The following DNAJC5 variants were observed in gnomAD, a reference collection of about 807,000 sequenced individuals.
DNAJC5 encodes the protein dnaJ homolog subfamily C member 5.
DNAJC5 carries 1 observed loss-of-function variant against 23.2 expected under a neutral mutation model. That is an observed-to-expected ratio of 0.04 (90% CI 0.02 to 0.20). The LOEUF is 0.20. Ranked by LOEUF, DNAJC5 falls within the 10% of genes least tolerant of loss-of-function variation. The probability of loss-of-function intolerance (pLI) is 1.00; values close to 1 mark genes in which losing one functional copy is unlikely to be tolerated. For synonymous variants in DNAJC5, 136 were observed against 120.0 expected (o/e 1.13, Z -0.87); for missense variants, 180 against 267.0 (o/e 0.67, Z 2.27).
At position 63,920,383 on chromosome 20, in the gene DNAJC5, G is replaced by T. The variant is rs1352397660; in HGVS notation, c.-11-7952G>T. 6.6e-6 allele frequency among the ~76,000 whole-genome samples: 1 copy of T among 152,330 alleles called. No homozygotes were observed. The highest frequency in any genetic ancestry group is 2.1e-4 in the South Asian group (1 of 4,828). On this transcript the variant is annotated intron_variant, in intron 1 of 4. Transcript: ENST00000360864. This position sits in a 1 kb window ranked among gnomAD's most constrained non-coding sequence, Gnocchi z 4.6. ...GTGTGGTGGGTGTGGTGGGGGAAGG[G>T]GCTGGCGTCAGCAGGGCTCTCGTCC... is the stretch of plus-strand genomic sequence containing the variant.
At chr20:63,906,550 C>T (rs1038328304) in intron 1 of DNAJC5, among the ~76,000 whole-genome samples, 15 of 151,614 alleles carry the variant, frequency 9.9e-5, no homozygotes, top group African/African-American at 2.2e-4. Context: ...TTTGGGAGGC[C>T]GAGACGGGCA....
At chr20:63,903,444 A>G (rs1172546478) in intron 1 of DNAJC5, among the ~76,000 whole-genome samples, 2 of 152,056 alleles carry the variant, frequency 1.3e-5, no homozygotes, top group East Asian at 3.9e-4. Flanking sequence ...AGCAGCTGGG[A>G]CTACAGGCAT....
At chr20:63,905,048 G>T (rs1345957261) in intron 1 of DNAJC5, among the ~76,000 whole-genome samples, 1 of 149,012 alleles carries the variant, frequency 6.7e-6, no homozygotes, top group Non-Finnish European at 1.5e-5. Flanking sequence ...CAGGTGATCC[G>T]CCTGCCTCGG....
intron 1 of DNAJC5, among the ~76,000 whole-genome samples, chr20:63,927,451 C>T (rs1267050047): frequency 6.6e-6 from 1 of 152,142 alleles, no homozygotes; most frequent in Non-Finnish European, 1.5e-5. Flanking sequence ...GAGGCAGGAG[C>T]ATTGCTTGAA....
intron 1 of DNAJC5, among the ~76,000 whole-genome samples, chr20:63,900,373 TGAA>T (rs2053403903): frequency 6.6e-6 from 1 of 151,628 alleles, no homozygotes; most frequent in Non-Finnish European, 1.5e-5. Context: ...AGTCCAGAAG[TGAA>T]GACCAGGCTG....
At chr20:63,896,484 G>C (rs958848374) in intron 1 of DNAJC5, among the ~76,000 whole-genome samples, 2 of 152,202 alleles carry the variant, frequency 1.3e-5, no homozygotes, top group Non-Finnish European at 2.9e-5. Flanking sequence ...CCCCTGGCGA[G>C]GGTGTTAATG....
chr20:63,913,816 G>T (rs1214715153), intron 1 of DNAJC5, among the ~76,000 whole-genome samples: 1 of 152,100 alleles, frequency 6.6e-6, no homozygotes, highest in Non-Finnish European at 1.5e-5. Flanking sequence ...TGACCTCAGG[G>T]GATCCGCCCA....
intron 1 of DNAJC5, among the ~76,000 whole-genome samples, chr20:63,919,089 C>G (rs779002015): frequency 6.6e-5 from 10 of 152,190 alleles, no homozygotes; most frequent in Non-Finnish European, 1.5e-4. Flanking sequence ...GAGATTGCAC[C>G]TGGAAGTACA....
At chr20:63,903,595 C>G (rs1440870768) in intron 1 of DNAJC5, among the ~76,000 whole-genome samples, 1 of 152,176 alleles carries the variant, frequency 6.6e-6, no homozygotes, top group Non-Finnish European at 1.5e-5. Flanking sequence ...GTGTGAGCCA[C>G]TGCGCTCGGC....
At chr20:63,905,336 G>T (rs2053441074) in intron 1 of DNAJC5, among the ~76,000 whole-genome samples, 1 of 152,058 alleles carries the variant, frequency 6.6e-6, no homozygotes, top group Non-Finnish European at 1.5e-5. Context: ...GGCCGATCTC[G>T]ACCTCCTGAC....
rs1394942798 is a variant in DNAJC5, at chr20:63,932,943, G to A, written c.*1375G>A. 2 of 152,420 alleles carry A rather than the reference G, an allele frequency of 1.3e-5. No individual in the cohort carries two copies. The highest frequency in any genetic ancestry group is 4.8e-5 in the African/African-American group (2 of 41,434). The allele number at this position is 152,420 out of a possible 1,614,324, so 9.4% of individuals were successfully genotyped here. A position where few individuals can be genotyped will look rare whatever the true frequency, so the allele number is the denominator to read the frequency against. ...GACCTTGTGGGTGGCGCCCTGCATA[G>A]GGGAGCAGGGGGAACGGGTCTGATG... On this transcript the variant is annotated 3_prime_UTR_variant, in exon 5 of 5. Transcript: ENST00000360864. The surrounding 1 kb of genome is among the most constrained non-coding windows in gnomAD (Gnocchi z 4.4).
intron 1 of DNAJC5, among the ~76,000 whole-genome samples, chr20:63,915,222 G>A (rs896994682): frequency 1.3e-5 from 2 of 152,098 alleles, no homozygotes; most frequent in Non-Finnish European, 1.5e-5. Context: ...AGATAGAATA[G>A]GACCTTAGGG....
rs777119527 is a variant in DNAJC5 at position 63,931,477 on chromosome 20, C to T, written c.506C>T (p.Thr169Met). The part of the protein sequence containing the change: ...LQSDEREATD[T>M]PIVIQPASAT... ...GCTTGCTTTTCAGAGGCCACAGACACGCCGATCGTCATACAGCCGGCATCC... is the reference window on the plus strand; with the variant it reads ...GCTTGCTTTTCAGAGGCCACAGACATGCCGATCGTCATACAGCCGGCATCC... Residue 169 changes from threonine (T) to methionine (M), a missense_variant, in exon 5 of 5, where the codon ACG becomes ATG. By Grantham distance (81) the Thr-to-Met change is moderately conservative. This residue lies in a region of DNAJC5 where 97 missense variants were observed against 123.4 expected (regional missense o/e 0.79). Coordinates refer to ENST00000360864, the MANE Select transcript of DNAJC5 (RefSeq NM_025219.3). This position sits in a 1 kb window ranked among gnomAD's most constrained non-coding sequence, Gnocchi z 9.6. The T allele has an allele frequency of 9.6e-6, 15 of 1,564,222 alleles. No homozygotes were observed. In the South Asian group the frequency reaches 1.3e-4, roughly 13 times the overall value.
chr20:63,923,302 CA>C (rs1016392583), intron 1 of DNAJC5, among the ~76,000 whole-genome samples: 1 of 151,712 alleles, frequency 6.6e-6, no homozygotes, highest in Admixed American at 6.6e-5. Flanking sequence ...GTTAGCTGGG[CA>C]TGGTGGCACA....
chr20:63,902,976 C>G (rs1463995001), intron 1 of DNAJC5, among the ~76,000 whole-genome samples: 1 of 152,110 alleles, frequency 6.6e-6, no homozygotes, highest in African/African-American at 2.4e-5. Flanking sequence ...CGCGCCCTGC[C>G]ACATCCTGTT....
At chr20:63,901,341 C>T (rs566461528) in intron 1 of DNAJC5, among the ~76,000 whole-genome samples, 76 of 152,352 alleles carry the variant, frequency 5.0e-4, no homozygotes, top group Middle Eastern at 6.8e-3. Flanking sequence ...CTTCCCAGCC[C>T]CATCGGCTGT....
At position 63,930,956 on chromosome 20, in the gene DNAJC5, G is replaced by A. The variant is rs2053664749; in HGVS notation, c.427G>A (p.Gly143Ser). 1 of 1,614,072 alleles carries A rather than the reference G, an allele frequency of 6.2e-7. No homozygotes were observed. Among genetic ancestry groups the A allele is most frequent in the Non-Finnish European group, 8.5e-7 (1 of 1,180,062 alleles). ...GAAGTGTAAGCCCAAGGCGCCTGAAGGCGAGGAGACGGAGTTCTACGTGTC... is the reference window on the plus strand; with the variant it reads ...GAAGTGTAAGCCCAAGGCGCCTGAAAGCGAGGAGACGGAGTTCTACGTGTC... The part of the protein sequence containing the change: ...CGKCKPKAPE[G>S]EETEFYVSPE... Residue 143 changes from glycine to serine, a missense_variant, in exon 4 of 5, where the codon GGC (glycine) becomes AGC (serine). By Grantham distance (56) the Gly-to-Ser change is moderately conservative (BLOSUM62 0). Transcript: ENST00000360864.
intron 1 of DNAJC5, among the ~76,000 whole-genome samples, chr20:63,909,385 C>G (rs2053467823): frequency 6.6e-6 from 1 of 152,136 alleles, no homozygotes; most frequent in South Asian, 2.1e-4. Context: ...CGCCTGTAGT[C>G]CCAGCTACTC....
intron 1 of DNAJC5, among the ~76,000 whole-genome samples, chr20:63,903,544 T>C (rs1297684614): frequency 6.6e-6 from 1 of 152,116 alleles, no homozygotes; most frequent in African/African-American, 2.4e-5. Flanking sequence ...CTTGACCTCA[T>C]GGTCTGCGCA....
Sources: allele counts gnomAD v4.1 joint callset (sites outside exome capture counted in the v4.1 genomes callset), GRCh38; gene constraint gnomAD v4.1.1; regional missense constraint gnomAD v4.1.1; non-coding constraint Gnocchi (gnomAD v3.1); transcripts MANE v1.5; gene names NCBI Gene and HGNC (gene_info 2026-07-23, HGNC 2026-07-21).